DOCK3: variants seen among roughly 807,000 people sequenced by gnomAD.
DOCK3 encodes dedicator of cytokinesis protein 3.
Under a neutral mutation model 265.6 loss-of-function variants are expected in DOCK3, and 60 were observed. The observed-to-expected ratio is 0.23, with a 90% CI of 0.18 to 0.28. The LOEUF is 0.28. DOCK3 is among the 10% of genes least tolerant of loss of function. The pLI is 1.00. For missense variants in DOCK3, 1,981 were observed against 2,594.3 expected, an observed-to-expected ratio of 0.76 and a Z score of 5.14; for synonymous variants, 881 against 938.0, an observed-to-expected ratio of 0.94 and a Z score of 1.11.
intron 1 of DOCK3, among the ~76,000 whole-genome samples, chr3:50,741,044 G>A (rs1032158810): frequency 6.6e-6 from 1 of 151,654 alleles, no homozygotes; most frequent in Non-Finnish European, 1.5e-5. Flanking sequence ...TACAATACAT[G>A]TTCTTTTGTG....
intron 9 of DOCK3, among the ~76,000 whole-genome samples, chr3:51,101,222 G>A (rs1318605465): frequency 6.7e-6 from 1 of 148,818 alleles, no homozygotes; most frequent in African/African-American, 2.5e-5. Context: ...CCGGGTTCAC[G>A]CCATTCTCCT....
At chr3:50,685,788 G>T (rs1466647257) in intron 1 of DOCK3, 1 of 198,540 alleles carries the variant, frequency 5.0e-6, no homozygotes. Context: ...CTCAAGGGCT[G>T]TCCATGGCCT....
chr3:51,280,064 T>G (rs2081029460), intron 26 of DOCK3, 42 bp from the exon 27 acceptor site: 2 of 1,555,506 alleles, frequency 1.3e-6, no homozygotes, highest in Non-Finnish European at 8.8e-7. Flanking sequence ...ACACAGCCCT[T>G]GCAATTGGCC....
Position 51,310,301 on chromosome 3 carries a change from A to C in DOCK3, c.2992A>C (p.Met998Leu). The C allele has an allele frequency of 1.9e-6, 3 of 1,602,938 alleles. No homozygotes were observed. Among genetic ancestry groups the C allele is most frequent in the Non-Finnish European group, 2.6e-6 (3 of 1,174,716 alleles). Reference sequence around the variant, plus strand: ...GATGAGTGTCTTCCCTCGGGACTGGATGGTAATGAGACTGCTCACAAGCAA... The same window carrying C: ...GATGAGTGTCTTCCCTCGGGACTGGCTGGTAATGAGACTGCTCACAAGCAA... ...MKMSVFPRDW[M>L]VMRLLTSNII... Residue 998 changes from methionine to leucine, a missense_variant, in exon 28 of 53, where the codon ATG becomes CTG. By Grantham distance (15) the Met-to-Leu change is conservative. Transcript: ENST00000266037.
chr3:51,105,879 A>G (rs1317669034), intron 9 of DOCK3, among the ~76,000 whole-genome samples: 1 of 152,182 alleles, frequency 6.6e-6, no homozygotes, highest in Admixed American at 6.5e-5. Flanking sequence ...ACCTTCAGCA[A>G]CTCCTGCAGA....
chr3:51,104,446 C>T (rs2083200610), intron 9 of DOCK3, among the ~76,000 whole-genome samples: 1 of 152,136 alleles, frequency 6.6e-6, no homozygotes, highest in Non-Finnish European at 1.5e-5. Flanking sequence ...AACCTGTTCA[C>T]TGTAGTAGCC....
At chr3:50,957,805 T>C (rs2076769471) in intron 5 of DOCK3, among the ~76,000 whole-genome samples, 1 of 152,192 alleles carries the variant, frequency 6.6e-6, no homozygotes, top group African/African-American at 2.4e-5. Flanking sequence ...TTAGAATAAT[T>C]CTAGTTCTCT....
chr3:50,780,750 T>G (rs1415482907), intron 2 of DOCK3, among the ~76,000 whole-genome samples: 2 of 152,148 alleles, frequency 1.3e-5, no homozygotes, highest in Non-Finnish European at 2.9e-5. Context: ...TATAGTCATC[T>G]TATGTGGGAT....
intron 9 of DOCK3, among the ~76,000 whole-genome samples, chr3:51,136,742 C>G (rs774525544): frequency 2.0e-5 from 3 of 151,890 alleles, no homozygotes; most frequent in Non-Finnish European, 2.9e-5. Context: ...TAGAAAGAAC[C>G]CTTGCATTAT....
chr3:51,026,892 A>G (rs2079846129), intron 5 of DOCK3, among the ~76,000 whole-genome samples: 4 of 151,158 alleles, frequency 2.6e-5, no homozygotes, highest in African/African-American at 9.7e-5. Flanking sequence ...GCAGTCTATC[A>G]ATCTTTTTTT....
intron 10 of DOCK3, among the ~76,000 whole-genome samples, chr3:51,154,587 C>G (rs372534834): frequency 6.6e-6 from 1 of 152,132 alleles, no homozygotes; most frequent in Non-Finnish European, 1.5e-5. Flanking sequence ...TCTCAGTAAC[C>G]TTAGGAGGTT....
At chr3:51,213,954 C>T (rs1184130328) in intron 13 of DOCK3, among the ~76,000 whole-genome samples, 168 bp from the exon 14 acceptor site, 1 of 152,138 alleles carries the variant, frequency 6.6e-6, no homozygotes, top group East Asian at 1.9e-4. Flanking sequence ...ATTTCTTTAG[C>T]TTTCCAAAAT....
intron 1 of DOCK3, among the ~76,000 whole-genome samples, chr3:50,680,257 G>C (rs760531514): frequency 6.7e-6 from 1 of 148,982 alleles, no homozygotes; most frequent in Non-Finnish European, 1.5e-5. Flanking sequence ...TGATGCCCAG[G>C]TTGGAGTGCA....
chr3:50,889,066 G>GGGT (rs869046567), intron 3 of DOCK3, among the ~76,000 whole-genome samples: 6 of 134,266 alleles, frequency 4.5e-5, no homozygotes, highest in African/African-American at 1.7e-4. Flanking sequence ...TTAAGCCATG[G>GGGT]GTGTGTGTGT....
chr3:51,175,772 G>C lies in DOCK3; in HGVS notation c.1037+15070G>C, dbSNP rs2086906510. Among the ~76,000 whole-genome samples, 4 of 152,172 alleles carry C rather than the reference G, an allele frequency of 2.6e-5. No individual in the cohort carries two copies. The South Asian group carries it at 6.2e-4, about 24-fold the overall frequency. Reference sequence around the variant, plus strand: ...CCTCCTTTTGGTACAGAGAAAAGAAGGTTCTGGTCTTTGTATATAATAACT... The same window carrying C: ...CCTCCTTTTGGTACAGAGAAAAGAACGTTCTGGTCTTTGTATATAATAACT... On this transcript the variant is annotated intron_variant, in intron 12 of 52. Coordinates refer to ENST00000266037, the MANE Select transcript of DOCK3 (RefSeq NM_004947.5).
At chr3:51,328,409 C>T (rs563074784) in intron 32 of DOCK3, among the ~76,000 whole-genome samples, 1 of 152,242 alleles carries the variant, frequency 6.6e-6, no homozygotes, top group East Asian at 1.9e-4. Flanking sequence ...GACTAATCCA[C>T]CTTGGCTTCT....
At chr3:51,329,377 A>G (rs191024559) in intron 32 of DOCK3, among the ~76,000 whole-genome samples, 173 of 152,288 alleles carry the variant, frequency 1.1e-3, no homozygotes, top group African/African-American at 3.5e-3. Context: ...ACAGGTACCA[A>G]TCAATCAACA....
At chr3:51,001,689 C>T (rs1484292052) in intron 5 of DOCK3, among the ~76,000 whole-genome samples, 2 of 152,140 alleles carry the variant, frequency 1.3e-5, no homozygotes, top group Non-Finnish European at 2.9e-5. Context: ...CTAGATCATA[C>T]TGTAAGTGTA....
At chr3:51,220,670 A>C (rs1817448) in intron 14 of DOCK3, among the ~76,000 whole-genome samples, 27 of 108,068 alleles carry the variant, frequency 2.5e-4, no homozygotes, top group African/African-American at 9.9e-4. Flanking sequence ...AAAAAAAAAA[A>C]ATATATATAT....
Sources: gnomAD v4.1 joint callset for allele counts (sites outside exome capture counted in the v4.1 genomes callset) on GRCh38, gnomAD v4.1.1 for gene constraint, MANE v1.5 for transcripts, NCBI Gene and HGNC (gene_info 2026-07-23, HGNC 2026-07-21) for gene names.